LIN54: variants seen among roughly 807,000 people sequenced by gnomAD.
LIN54 encodes the protein lin-54 DREAM MuvB core complex component, also known as protein lin-54 homolog.
In LIN54, 9 loss-of-function variants were observed where a neutral mutation model predicts 78.7. That is an observed-to-expected ratio of 0.11 (90% confidence interval 0.07 to 0.20). The LOEUF is 0.20. Ranked by LOEUF, LIN54 falls within the 10% of genes least tolerant of loss-of-function variation. The pLI is 1.00. For missense variants in LIN54, 573 were observed against 889.9 expected (o/e 0.64, Z 4.53); for synonymous variants, 269 against 318.4 (o/e 0.84, Z 1.65).
chr4:82,949,372 A>T (rs2126048165), intron 4 of LIN54, among the ~76,000 whole-genome samples: 1 of 130,456 alleles, frequency 7.7e-6, no homozygotes, highest in South Asian at 2.8e-4. Flanking sequence ...TTCTACTATT[A>T]AGCTGTATGA....
chr4:82,943,025 A>G (rs1369579632), intron 5 of LIN54, among the ~76,000 whole-genome samples: 9 of 152,104 alleles, frequency 5.9e-5, no homozygotes, highest in Admixed American at 3.3e-4. Flanking sequence ...CATAAAACAG[A>G]ATACTATAAA....
chr4:82,970,206 T>C, intron 4 of LIN54, 121 bp downstream of exon 4: 4 of 862,426 alleles, frequency 4.6e-6, no homozygotes, highest in Non-Finnish European at 5.4e-6. Flanking sequence ...TAATCCAGTA[T>C]TCATTGAATG....
intron 1 of LIN54, among the ~76,000 whole-genome samples, chr4:82,992,656 G>A (rs1727828361): frequency 6.6e-6 from 1 of 152,156 alleles, no homozygotes; most frequent in East Asian, 1.9e-4. Context: ...CCAGGCTCAA[G>A]CAATCCTCCT....
chr4:82,933,692 T>A (rs1278834920), intron 11 of LIN54, among the ~76,000 whole-genome samples: 1 of 152,246 alleles, frequency 6.6e-6, no homozygotes, highest in Non-Finnish European at 1.5e-5. Context: ...AATGATAAAT[T>A]TGTTACTAGA....
At chr4:82,949,862 T>TTTC (rs1416568453) in intron 4 of LIN54, among the ~76,000 whole-genome samples, 1 of 149,968 alleles carries the variant, frequency 6.7e-6, no homozygotes, top group African/African-American at 2.5e-5. Flanking sequence ...TTTTTTTTTT[T>TTTC]CCAGATGGAG....
chr4:82,926,505 A>G lies in LIN54; in HGVS notation c.*1597T>C, dbSNP rs889807467. ...GAACATATATACACACTTAATACAT[A>G]CAACTATAGAGTCCTTGTAGGAAAT... On this transcript the variant is annotated 3_prime_UTR_variant, in exon 13 of 13. Transcript: ENST00000340417. 6.6e-6 allele frequency: 1 copy of G among 152,530 alleles called. No individual in the cohort carries two copies. The highest frequency in any genetic ancestry group is 2.4e-5 in the African/African-American group (1 of 41,428). 9.4% of individuals were successfully genotyped at this position (152,530 alleles called of 1,614,324 possible). A position where few individuals can be genotyped will look rare whatever the true frequency, so the allele number is the denominator to read the frequency against.
intron 4 of LIN54, among the ~76,000 whole-genome samples, chr4:82,958,497 G>T (rs528472490): frequency 2.0e-5 from 3 of 152,180 alleles, no homozygotes; most frequent in African/African-American, 7.2e-5. Flanking sequence ...AACCATCAGG[G>T]AGACTGGAAA....
chr4:82,940,616 G>A (rs1015805420), intron 5 of LIN54, among the ~76,000 whole-genome samples: 1 of 152,214 alleles, frequency 6.6e-6, no homozygotes, highest in Non-Finnish European at 1.5e-5. Context: ...TGAACCCAAT[G>A]TCTCGAACTC....
At chr4:82,985,683 G>A (rs192132684) in intron 1 of LIN54, among the ~76,000 whole-genome samples, 4 of 152,210 alleles carry the variant, frequency 2.6e-5, no homozygotes, top group African/African-American at 9.7e-5. Context: ...TGGAATTACA[G>A]GCGCCTGCCA....
At position 82,945,757 on chromosome 4, in the gene LIN54, G is replaced by A. The variant is rs146742681; in HGVS notation, c.1168+501C>T. On this transcript the variant is annotated intron_variant, in intron 5 of 12. Transcript: ENST00000340417. Reference sequence around the variant, plus strand: ...GATCCACCTGCCTCAGCCTCCCAAAGTGCTGGGATTACAGGTGTGAGCCAC... The same window carrying A: ...GATCCACCTGCCTCAGCCTCCCAAAATGCTGGGATTACAGGTGTGAGCCAC... Among the ~76,000 whole-genome samples the A allele has an allele frequency of 1.6e-4, 24 of 152,280 alleles. No individual in the cohort carries two copies. In the East Asian group the frequency reaches 4.4e-3, roughly 28 times the overall value.
chr4:82,978,195 G>A (rs1204858091), intron 3 of LIN54, among the ~76,000 whole-genome samples: 3 of 152,196 alleles, frequency 2.0e-5, no homozygotes, highest in Non-Finnish European at 4.4e-5. Context: ...GTGATATAGT[G>A]ATTGGTGATG....
rs2126021570 is a variant in LIN54, at chr4:82,926,067, T to C, written c.*2035A>G. ...AGCATTTGATTGCACCTTGAAATTT[T>C]TTTACAAGCAAAACATTCGTAAGCA... On this transcript the variant is annotated 3_prime_UTR_variant, in exon 13 of 13. Coordinates refer to ENST00000340417, the MANE Select transcript of LIN54 (RefSeq NM_194282.4). 1 of 152,750 alleles carries C rather than the reference T, an allele frequency of 6.5e-6. No homozygotes were observed. Among genetic ancestry groups the C allele is most frequent in the South Asian group, 2.1e-4 (1 of 4,834 alleles). The allele number at this position is 152,750 out of a possible 1,614,324, so 9.5% of individuals were successfully genotyped here.
At chr4:82,971,368 ATT>A (rs36064494) in intron 3 of LIN54, among the ~76,000 whole-genome samples, 53,943 of 151,792 alleles carry the variant, frequency 0.36, 11,394 homozygotes, top group African/African-American at 0.59. Context: ...GGGCCACAGC[ATT>A]TATTACTGCC....
At chr4:82,997,170 T>C (rs1728295703) in intron 1 of LIN54, among the ~76,000 whole-genome samples, 1 of 152,104 alleles carries the variant, frequency 6.6e-6, no homozygotes, top group East Asian at 1.9e-4. Context: ...AAAGTAATCA[T>C]AGAGAAGGAG....
chr4:82,980,408 C>T (rs896770340), intron 2 of LIN54, among the ~76,000 whole-genome samples: 1 of 151,824 alleles, frequency 6.6e-6, no homozygotes, highest in African/African-American at 2.4e-5. Context: ...AGAAATACAC[C>T]GGAAGTTATG....
intron 11 of LIN54, among the ~76,000 whole-genome samples, chr4:82,935,730 G>C (rs553405141): frequency 7.9e-5 from 12 of 152,174 alleles, no homozygotes; most frequent in Admixed American, 3.9e-4. Flanking sequence ...TACTTTCTGA[G>C]CATAATGACC....
chr4:82,979,683 A>G (rs1726460377), intron 2 of LIN54, among the ~76,000 whole-genome samples: 1 of 152,090 alleles, frequency 6.6e-6, no homozygotes, highest in Non-Finnish European at 1.5e-5. Flanking sequence ...TCACGCCTGT[A>G]ATCCCAGCAC....
chr4:82,985,632 C>T (rs564373769), intron 1 of LIN54, among the ~76,000 whole-genome samples: 2 of 152,342 alleles, frequency 1.3e-5, no homozygotes, highest in East Asian at 3.9e-4. Context: ...CCTCCGCTTC[C>T]TGGGTTCAAG....
intron 12 of LIN54, among the ~76,000 whole-genome samples, chr4:82,929,049 A>G (rs535463992): frequency 7.2e-4 from 109 of 152,360 alleles, no homozygotes; most frequent in African/African-American, 2.5e-3. Context: ...GTAAGCGGTC[A>G]CTAACAGAAG....
Sources: gnomAD v4.1 joint callset for allele counts (sites outside exome capture counted in the v4.1 genomes callset) on GRCh38, gnomAD v4.1.1 for gene constraint, MANE v1.5 for transcripts, NCBI Gene and HGNC (gene_info 2026-07-23, HGNC 2026-07-21) for gene names.